NCAM1: variants seen among roughly 807,000 people sequenced by gnomAD.
The protein encoded by NCAM1 is neural cell adhesion molecule 1, also known as antigen recognized by monoclonal antibody 5.1H11.
A neutral mutation model predicts 109.8 loss-of-function variants in NCAM1; 14 were observed. The ratio of observed to expected loss-of-function variants is 0.13; its 90% CI spans 0.08 to 0.20. The LOEUF (loss-of-function observed/expected upper bound fraction) is 0.20. Ranked by LOEUF, NCAM1 falls within the 10% of genes least tolerant of loss-of-function variation. NCAM1 has a pLI of 1.00. For missense variants in NCAM1, 774 were observed against 1,109.9 expected (o/e 0.70, Z 4.30); for synonymous variants, 418 against 442.9 (o/e 0.94, Z 0.70).
chr11:113,131,078 G>A (rs1337946033), intron 1 of NCAM1, among the ~76,000 whole-genome samples: 5 of 152,122 alleles, frequency 3.3e-5, no homozygotes, highest in African/African-American at 1.2e-4. Context: ...TAAACCAACT[G>A]GGAACAGTTG....
At chr11:113,205,094 G>A (rs566431724) in intron 3 of NCAM1, among the ~76,000 whole-genome samples, 9 of 152,276 alleles carry the variant, frequency 5.9e-5, no homozygotes, top group Admixed American at 4.6e-4. Flanking sequence ...TCTGTCTGCC[G>A]TAGGAAAGTT....
Position 113,207,853 on chromosome 11 carries a change from A to G in NCAM1, c.767A>G (p.Gln256Arg). The change falls in exon 7 of 20, where the codon CAA becomes CGA. Residue 256 changes from glutamine to arginine, a missense_variant. This residue lies in a region of NCAM1 where 523 missense variants were observed against 784.2 expected (regional missense o/e 0.67). Coordinates refer to ENST00000316851, the MANE Select transcript of NCAM1 (RefSeq NM_181351.5). ...TCTAGGGATGGGGAACAGATAGAGC[A>G]AGAGGAAGACGATGAGAAGTACATC... ...SWTKDGEQIE[Q>R]EEDDEKYIFS... The G allele has an allele frequency of 1.2e-6, 2 of 1,611,268 alleles. No individual in the cohort carries two copies. The highest frequency in any genetic ancestry group is 2.2e-5 in the East Asian group (1 of 44,838).
intron 14 of NCAM1, 81 bp from the exon 15 acceptor site, chr11:113,246,287 C>T: frequency 1.4e-6 from 1 of 696,498 alleles, no homozygotes. Flanking sequence ...TCCTTTCAAC[C>T]AATATCATGT....
chr11:113,266,566 G>A (rs1946137720), intron 17 of NCAM1, among the ~76,000 whole-genome samples: 1 of 152,092 alleles, frequency 6.6e-6, no homozygotes, highest in South Asian at 2.1e-4. Flanking sequence ...TAGGAGCGTG[G>A]TCCTCATAAG....
At chr11:112,984,438 A>G (rs1038059857) in intron 1 of NCAM1, among the ~76,000 whole-genome samples, 4 of 151,810 alleles carry the variant, frequency 2.6e-5, no homozygotes, top group African/African-American at 4.8e-5. Flanking sequence ...GTCATATAGT[A>G]GTTCTATTTT....
At chr11:113,191,376 G>A (rs1279456270) in intron 1 of NCAM1, among the ~76,000 whole-genome samples, 1 of 152,228 alleles carries the variant, frequency 6.6e-6, no homozygotes, top group Non-Finnish European at 1.5e-5. Flanking sequence ...GAATCATATA[G>A]CTCCTAGGAG....
intron 1 of NCAM1, among the ~76,000 whole-genome samples, chr11:113,135,442 G>A (rs1303784155): frequency 6.6e-6 from 1 of 152,140 alleles, no homozygotes; most frequent in Non-Finnish European, 1.5e-5. Context: ...AGTGCGATGT[G>A]TTGAGCCCTT....
chr11:112,997,881 C>T (rs2134929479), intron 1 of NCAM1, among the ~76,000 whole-genome samples: 1 of 152,252 alleles, frequency 6.6e-6, no homozygotes, highest in Admixed American at 6.5e-5. Flanking sequence ...TTGTTCTCTT[C>T]TTATGAAAGC....
Position 113,079,802 on chromosome 11 carries a change from G to C in NCAM1, c.52+118138G>C, listed in dbSNP as rs1362485323. Among the ~76,000 whole-genome samples, 6 of 152,098 alleles carry C rather than the reference G, an allele frequency of 3.9e-5. No individual in the cohort carries two copies. The East Asian group carries it at 1.2e-3, about 29-fold the overall frequency. Reference sequence around the variant, plus strand: ...AAAACACTGCCCTGACTGTTTTCCTGGCCATTTTCCTGTACTGGGCAGACA... The same window carrying C: ...AAAACACTGCCCTGACTGTTTTCCTCGCCATTTTCCTGTACTGGGCAGACA... On this transcript the variant is annotated intron_variant, in intron 1 of 19. Coordinates refer to ENST00000316851, the MANE Select transcript of NCAM1 (RefSeq NM_181351.5).
At chr11:113,202,070 C>T (rs955567508) in intron 1 of NCAM1, among the ~76,000 whole-genome samples, 6 of 152,166 alleles carry the variant, frequency 3.9e-5, no homozygotes, top group Non-Finnish European at 8.8e-5. Flanking sequence ...GGGTTGGAAA[C>T]ATTTAGTGCA....
At chr11:113,217,660 G>T (rs887824366) in intron 8 of NCAM1, among the ~76,000 whole-genome samples, 4 of 152,100 alleles carry the variant, frequency 2.6e-5, no homozygotes, top group Non-Finnish European at 5.9e-5. Flanking sequence ...AAAATGCTCA[G>T]GTCTTTTTTA....
rs140428022 is a variant in NCAM1, at chr11:113,192,112, C to T, written c.53-10267C>T. On this transcript the variant is annotated intron_variant, in intron 1 of 19. Coordinates refer to ENST00000316851, the MANE Select transcript of NCAM1 (RefSeq NM_181351.5). ...GCAGTTGAGAGAGAGGGAAATGCTT[C>T]GCCTTGTATCAGTACCTTTTTATAG... Among the ~76,000 whole-genome samples the T allele has an allele frequency of 1.1e-4, 16 of 152,326 alleles. No individual in the cohort carries two copies. The East Asian group carries it at 1.9e-3, about 18-fold the overall frequency.
chr11:113,277,103 G>A lies in NCAM1; in HGVS notation c.*1716G>A, dbSNP rs1946411834. The A allele has an allele frequency of 7.9e-6, 3 of 379,084 alleles. No homozygotes were observed. In the East Asian group the frequency reaches 1.1e-4, roughly 14 times the overall value. The allele number at this position is 379,084 out of a possible 1,614,324, so 23.5% of individuals were successfully genotyped here. A position where few individuals can be genotyped will look rare whatever the true frequency, so the allele number is the denominator to read the frequency against. ...AAGAAAATGAAATACAGATGATGATGATGATGATGAAGATGATGCTAAGTA... is the reference window on the plus strand; with the variant it reads ...AAGAAAATGAAATACAGATGATGATAATGATGATGAAGATGATGCTAAGTA... On this transcript the variant is annotated 3_prime_UTR_variant, in exon 20 of 20. Coordinates refer to ENST00000316851, the MANE Select transcript of NCAM1 (RefSeq NM_181351.5).
At chr11:113,189,899 G>T (rs1333731467) in intron 1 of NCAM1, among the ~76,000 whole-genome samples, 2 of 149,944 alleles carry the variant, frequency 1.3e-5, no homozygotes, top group African/African-American at 4.9e-5. Flanking sequence ...AAAAAACTAT[G>T]CTGGATAAAA....
chr11:113,002,468 C>T (rs1951780475), intron 1 of NCAM1, among the ~76,000 whole-genome samples: 1 of 152,126 alleles, frequency 6.6e-6, no homozygotes, highest in African/African-American at 2.4e-5. Context: ...ATTTATTAAG[C>T]TTGTAGTACC....
intron 19 of NCAM1, 39 bp downstream of exon 19, chr11:113,271,915 GA>G (rs1565542521): frequency 6.7e-7 from 1 of 1,485,280 alleles, no homozygotes. Context: ...GCTCCGTAGA[GA>G]CCCCCACACC....
rs545446535 is a variant in NCAM1, at chr11:113,273,513, A to G, written c.2456+1637A>G. On this transcript the variant is annotated intron_variant, in intron 19 of 19. Transcript: ENST00000316851. This position sits in a 1 kb window ranked among gnomAD's most constrained non-coding sequence, Gnocchi z 6.0. ...CGCGAAGAGCCCGGCCGAGGCAGCC[A>G]CAGCCCTTGCTAGCCCGAAGAGCGA... 2.9e-6 allele frequency: 1 copy of G among 341,008 alleles called. No homozygotes were observed. The highest frequency in any genetic ancestry group is 3.6e-5 in the Admixed American group (1 of 27,634). 21.1% of individuals were successfully genotyped at this position (341,008 alleles called of 1,614,324 possible). A position where few individuals can be genotyped will look rare whatever the true frequency, so the allele number is the denominator to read the frequency against.
At chr11:113,269,974 A>G (rs1405950514) in intron 17 of NCAM1, 20 of 591,830 alleles carry the variant, frequency 3.4e-5, no homozygotes, top group Non-Finnish European at 6.0e-5. Flanking sequence ...CCAATCTGTG[A>G]GATGATGTTG....
At chr11:113,016,222 C>T (rs1555075257) in intron 1 of NCAM1, among the ~76,000 whole-genome samples, 3 of 152,154 alleles carry the variant, frequency 2.0e-5, no homozygotes, top group Admixed American at 1.3e-4. Context: ...CTTTCACTGG[C>T]CACCCCGTTT....
Sources: allele counts gnomAD v4.1 joint callset (sites outside exome capture counted in the v4.1 genomes callset), GRCh38; gene constraint gnomAD v4.1.1; regional missense constraint gnomAD v4.1.1; non-coding constraint Gnocchi (gnomAD v3.1); transcripts MANE v1.5; gene names NCBI Gene and HGNC (gene_info 2026-07-23, HGNC 2026-07-21).